The following DPP10 variants were observed in gnomAD, a reference collection of about 807,000 sequenced individuals.
DPP10 encodes the protein dipeptidyl peptidase like 10.
A neutral mutation model predicts 120.9 loss-of-function variants in DPP10; 33 were observed. The observed-to-expected ratio is 0.27, with a 90% CI of 0.21 to 0.37. The LOEUF (loss-of-function observed/expected upper bound fraction) is 0.37, where lower values mean the gene tolerates loss of function less well. Among genes scored for constraint, DPP10 ranks in the 10% least tolerant of loss-of-function variants. DPP10 has a pLI of 1.00. For missense variants in DPP10, 816 were observed against 942.8 expected, an observed-to-expected ratio of 0.87 and a Z score of 1.76; for synonymous variants, 337 against 326.1, an observed-to-expected ratio of 1.03 and a Z score of -0.36.
intron 1 of DPP10, among the ~76,000 whole-genome samples, chr2:115,016,838 A>G (rs13030684): frequency 2.6e-5 from 4 of 152,000 alleles, no homozygotes; most frequent in African/African-American, 9.7e-5. Flanking sequence ...CTGGATTAAG[A>G]AAATGTGGCA....
intron 1 of DPP10, among the ~76,000 whole-genome samples, chr2:114,493,767 A>C (rs1682215499): frequency 6.6e-6 from 1 of 152,188 alleles, no homozygotes; most frequent in Non-Finnish European, 1.5e-5. Flanking sequence ...TTTACAGGTC[A>C]AATGGAAGAT....
intron 3 of DPP10, among the ~76,000 whole-genome samples, chr2:115,442,536 G>T (rs2072176592): frequency 6.6e-6 from 1 of 152,106 alleles, no homozygotes; most frequent in African/African-American, 2.4e-5. Context: ...AGAGGAAGAA[G>T]ATCAAAATAG....
At chr2:115,115,961 T>C (rs920545777) in intron 1 of DPP10, among the ~76,000 whole-genome samples, 18 of 152,242 alleles carry the variant, frequency 1.2e-4, no homozygotes, top group African/African-American at 4.1e-4. Context: ...GAGGGATAGA[T>C]TAGCCTAGTT....
At chr2:115,064,939 A>G (rs1706721036) in intron 1 of DPP10, 1 of 767,478 alleles carries the variant, frequency 1.3e-6, no homozygotes, top group Non-Finnish European at 1.8e-6. Context: ...TATTCATCAT[A>G]GGCCTAATAG....
At chr2:115,553,480 A>G (rs1266728013) in intron 5 of DPP10, among the ~76,000 whole-genome samples, 1 of 152,050 alleles carries the variant, frequency 6.6e-6, no homozygotes, top group Non-Finnish European at 1.5e-5. Context: ...AAAATGTGAA[A>G]CTTTTTTATT....
intron 1 of DPP10, among the ~76,000 whole-genome samples, chr2:114,472,705 G>T (rs1573427286): frequency 6.6e-6 from 1 of 152,298 alleles, no homozygotes; most frequent in African/African-American, 2.4e-5. Context: ...ACCAGAAGAT[G>T]CCACAAAGTT....
intron 1 of DPP10, among the ~76,000 whole-genome samples, chr2:114,913,453 C>G (rs532256211): frequency 6.6e-6 from 1 of 152,252 alleles, no homozygotes; most frequent in African/African-American, 2.4e-5. Flanking sequence ...GGTCCCAGTC[C>G]TTCAGGGTTA....
intron 19 of DPP10, among the ~76,000 whole-genome samples, chr2:115,795,905 T>C (rs962378770): frequency 1.3e-5 from 2 of 152,082 alleles, no homozygotes; most frequent in East Asian, 1.9e-4. Context: ...CTTTAGTTTA[T>C]TGCTTTTTGC....
At chr2:115,656,447 A>G (rs1375427907) in intron 5 of DPP10, among the ~76,000 whole-genome samples, 2 of 151,602 alleles carry the variant, frequency 1.3e-5, no homozygotes, top group Non-Finnish European at 3.0e-5. Flanking sequence ...TTTTATATGT[A>G]GTTCTGAAGA....
rs557887499 is a variant in DPP10, at chr2:114,473,537, C to A, written c.60+30699C>A. On this transcript the variant is annotated intron_variant, in intron 1 of 25. Coordinates refer to ENST00000410059, the MANE Select transcript of DPP10 (RefSeq NM_020868.6). Reference sequence around the variant, plus strand: ...GCAGCTGTACTTTTAGGAACATAACCTGAAGAAATGTAGATGTAGATGTAG... The same window carrying A: ...GCAGCTGTACTTTTAGGAACATAACATGAAGAAATGTAGATGTAGATGTAG... Among the ~76,000 whole-genome samples, 24 of 152,200 alleles carry A rather than the reference C, an allele frequency of 1.6e-4. No individual in the cohort carries two copies. In the South Asian group the frequency reaches 5.0e-3, roughly 32 times the overall value.
chr2:115,476,502 A>G (rs1332113805), intron 3 of DPP10, among the ~76,000 whole-genome samples: 1 of 152,228 alleles, frequency 6.6e-6, no homozygotes. Flanking sequence ...AAGCAAATAC[A>G]GAGAGCCAAT....
chr2:114,542,763 C>A (rs116241448), intron 1 of DPP10, among the ~76,000 whole-genome samples: 1 of 152,178 alleles, frequency 6.6e-6, no homozygotes, highest in Non-Finnish European at 1.5e-5. Context: ...TTCTCAAACA[C>A]GAATAGTTAC....
At chr2:114,827,025 G>A (rs1686610738) in intron 1 of DPP10, among the ~76,000 whole-genome samples, 1 of 152,094 alleles carries the variant, frequency 6.6e-6, no homozygotes, top group Non-Finnish European at 1.5e-5. Context: ...GATCTGGGAG[G>A]TGGTGAACGT....
chr2:115,836,854 G>GC, intron 24 of DPP10, 108 bp downstream of exon 24: 1 of 946,228 alleles, frequency 1.1e-6, no homozygotes, highest in Non-Finnish European at 1.6e-6. Flanking sequence ...GAAGAAGGGA[G>GC]CAGAGAGTCA....
At chr2:115,310,951 C>T (rs1033896467) in intron 2 of DPP10, among the ~76,000 whole-genome samples, 1 of 152,106 alleles carries the variant, frequency 6.6e-6, no homozygotes, top group Admixed American at 6.5e-5. Context: ...TCTTGTTACT[C>T]ATTGAGGCCA....
chr2:115,511,722 C>T (rs1450689333), intron 4 of DPP10, among the ~76,000 whole-genome samples: 45 of 122,996 alleles, frequency 3.7e-4, no homozygotes, highest in African/African-American at 1.3e-3. Flanking sequence ...TCTTCTTCTT[C>T]TTCTTCTTCT....
chr2:114,910,948 T>C (rs964420783), intron 1 of DPP10, among the ~76,000 whole-genome samples: 2 of 152,184 alleles, frequency 1.3e-5, no homozygotes, highest in Admixed American at 6.5e-5. Context: ...TTCTTGTTCT[T>C]TAACATTCAA....
intron 1 of DPP10, among the ~76,000 whole-genome samples, chr2:115,084,272 T>G (rs1427826739): frequency 6.6e-6 from 1 of 152,186 alleles, no homozygotes; most frequent in East Asian, 1.9e-4. Context: ...ATTTTAAAAT[T>G]TAACAACAAC....
At chr2:114,686,301 G>A (rs1337603134) in intron 1 of DPP10, among the ~76,000 whole-genome samples, 9 of 151,850 alleles carry the variant, frequency 5.9e-5, no homozygotes, top group Admixed American at 5.3e-4. Flanking sequence ...ACTTTAAAAG[G>A]TTAGTGGATT....
Sources: allele counts gnomAD v4.1 joint callset (sites outside exome capture counted in the v4.1 genomes callset), GRCh38; gene constraint gnomAD v4.1.1; transcripts MANE v1.5; gene names NCBI Gene and HGNC (gene_info 2026-07-23, HGNC 2026-07-21).